The following ADGRE3 variants were observed in gnomAD, a reference collection of about 807,000 sequenced individuals.
ADGRE3 encodes the protein adhesion G protein-coupled receptor E3.
ADGRE3 carries 88 observed loss-of-function variants against 80.1 expected under a neutral mutation model. The ratio of observed to expected loss-of-function variants is 1.10; its 90% CI spans 0.93 to 1.31. ADGRE3 has a LOEUF of 1.31. Ranked by LOEUF, ADGRE3 falls within the 40% of genes most tolerant of loss-of-function variation. The probability of loss-of-function intolerance (pLI) is 0.00; values close to 1 mark genes in which losing one functional copy is unlikely to be tolerated. For missense variants in ADGRE3, 715 were observed against 776.5 expected (o/e 0.92, Z 0.94); for synonymous variants, 281 against 294.8 (o/e 0.95, Z 0.48).
At chr19:14,674,470 C>G (rs1406738303) in intron 1 of ADGRE3, among the ~76,000 whole-genome samples, 1 of 152,080 alleles carries the variant, frequency 6.6e-6, no homozygotes. Context: ...GCACTCCAAC[C>G]TGGGTGACAG....
At chr19:14,674,124 G>T (rs1972326195) in intron 1 of ADGRE3, among the ~76,000 whole-genome samples, 1 of 152,162 alleles carries the variant, frequency 6.6e-6, no homozygotes, top group Non-Finnish European at 1.5e-5. Context: ...AAAAAAGTCA[G>T]GGCAGGGCTA....
chr19:14,646,195 T>C (rs1971393591), intron 8 of ADGRE3, among the ~76,000 whole-genome samples: 1 of 152,192 alleles, frequency 6.6e-6, no homozygotes, highest in African/African-American at 2.4e-5. Flanking sequence ...CGATCTTGGC[T>C]CACCGCAACC....
Position 14,647,252 on chromosome 19 carries a change from T to G in ADGRE3, c.811A>C (p.Ser271Arg). The part of the protein sequence containing the change: ...DQVYLNSQVV[S>R]AAIGPKRNVS... ...TTCCTTTTGGGTCCAATAGCAGCAC[T>G]CACAACCTGAGAGTTCAGATACACT... Residue 271 changes from serine (S) to arginine (R), a missense_variant, in exon 8 of 16, where the codon AGT becomes CGT. Coordinates refer to ENST00000253673, the MANE Select transcript of ADGRE3 (RefSeq NM_032571.5). 6.2e-7 allele frequency: 1 copy of G among 1,613,982 alleles called. No individual in the cohort carries two copies. The highest frequency in any genetic ancestry group is 8.5e-7 in the Non-Finnish European group (1 of 1,179,896).
Position 14,658,489 on chromosome 19 carries a change from G to T in ADGRE3, c.393+24C>A, listed in dbSNP as rs867979394. On this transcript the variant is annotated intron_variant, in intron 5 of 15. Transcript: ENST00000253673. ...TACTGATGTTTGTTACCTGGGAAGG[G>T]TCTGGGGATCAGCCTCCACTCACCT... 1.7e-5 allele frequency: 26 copies of T among 1,542,668 alleles called. No individual in the cohort carries two copies. The Middle Eastern group carries it at 3.6e-3, about 215-fold the overall frequency.
chr19:14,643,479 T>C (rs1363550101), intron 9 of ADGRE3, among the ~76,000 whole-genome samples: 1 of 151,992 alleles, frequency 6.6e-6, no homozygotes, highest in Non-Finnish European at 1.5e-5. Flanking sequence ...TCCTATAGTC[T>C]GAGCAACTGA....
At position 14,670,766 on chromosome 19, in the gene ADGRE3, A is replaced by G. The variant is rs113224444; in HGVS notation, c.26-1914T>C. Among the ~76,000 whole-genome samples the G allele has an allele frequency of 7.6e-3, 1,163 of 152,316 alleles. 14 individuals carry two copies. Among genetic ancestry groups the G allele is most frequent in the African/African-American group, 0.027 (1,126 of 41,576 alleles). ...AGATTAAGAAATGGAGGCACAGAGA[A>G]GGTAAGTAACTTGCTCCATTCACTG... On this transcript the variant is annotated intron_variant, in intron 1 of 15. Transcript: ENST00000253673.
chr19:14,647,997 G>A (rs773322874), intron 7 of ADGRE3, among the ~76,000 whole-genome samples: 2 of 146,482 alleles, frequency 1.4e-5, no homozygotes, highest in African/African-American at 2.5e-5. Flanking sequence ...CTGGAGAATC[G>A]CTTGAACCCA....
At chr19:14,674,433 G>T (rs1280368533) in intron 1 of ADGRE3, among the ~76,000 whole-genome samples, 2 of 152,104 alleles carry the variant, frequency 1.3e-5, no homozygotes, top group Non-Finnish European at 2.9e-5. Flanking sequence ...GGAGGCAGAG[G>T]TTTCAGTGAG....
At chr19:14,654,239 C>T (rs1971686139) in intron 6 of ADGRE3, among the ~76,000 whole-genome samples, 1 of 150,672 alleles carries the variant, frequency 6.6e-6, no homozygotes, top group African/African-American at 2.4e-5. Flanking sequence ...AGGTGTAAGC[C>T]ACCATGCCCA....
chr19:14,639,873 A>C (rs925052835), intron 10 of ADGRE3, among the ~76,000 whole-genome samples: 1 of 152,192 alleles, frequency 6.6e-6, no homozygotes, highest in South Asian at 2.1e-4. Context: ...GCAATTTTTC[A>C]ATATAGAATA....
intron 11 of ADGRE3, among the ~76,000 whole-genome samples, chr19:14,637,374 G>A (rs1971119053): frequency 1.4e-5 from 2 of 148,016 alleles, no homozygotes; most frequent in African/African-American, 5.0e-5. Flanking sequence ...CTCGCTTGGC[G>A]CCCTGAGATT....
At chr19:14,673,944 C>A (rs1049733734) in intron 1 of ADGRE3, among the ~76,000 whole-genome samples, 2 of 152,144 alleles carry the variant, frequency 1.3e-5, no homozygotes, top group Non-Finnish European at 2.9e-5. Context: ...CATGTGTCCA[C>A]ATTATTTAGC....
chr19:14,650,843 G>A (rs1036560641), intron 7 of ADGRE3, among the ~76,000 whole-genome samples: 9 of 152,156 alleles, frequency 5.9e-5, no homozygotes, highest in African/African-American at 1.4e-4. Context: ...AACCCAAACC[G>A]GGACACAGGC....
At chr19:14,651,035 C>T in intron 7 of ADGRE3, 50 bp downstream of exon 7, 1 of 1,607,478 alleles carries the variant, frequency 6.2e-7, no homozygotes. Flanking sequence ...ATGACTCACA[C>T]AATGACATGG....
At chr19:14,609,138 C>T in the ADGRE3 span, among the ~76,000 whole-genome samples, 9 of 152,184 alleles carry the variant, frequency 5.9e-5, no homozygotes, top group Admixed American at 2.0e-4. Context: ...ATGCTTTTTC[C>T]GCAAAGCTAT....
At position 14,625,474 on chromosome 19, in the gene ADGRE3, T is replaced by C. The variant is rs780371799; in HGVS notation, c.1920+18A>G. 1 of 1,451,006 alleles carries C rather than the reference T, an allele frequency of 6.9e-7. No homozygotes were observed. The highest frequency in any genetic ancestry group is 9.7e-7 in the Non-Finnish European group (1 of 1,034,864). The allele number at this position is 1,451,006 out of a possible 1,614,324, so 89.9% of individuals were successfully genotyped here. A position where few individuals can be genotyped will look rare whatever the true frequency, so the allele number is the denominator to read the frequency against. The stretch of plus-strand genomic sequence containing the variant: ...AGGAGTATGTAAAACATTAGAACAA[T>C]TCAGATGTTTCACTTACCTCACTGG... On this transcript the variant is annotated intron_variant, in intron 15 of 15. Coordinates refer to ENST00000253673, the MANE Select transcript of ADGRE3 (RefSeq NM_032571.5).
At chr19:14,655,779 C>A (rs983655129) in intron 5 of ADGRE3, among the ~76,000 whole-genome samples, 2 of 151,802 alleles carry the variant, frequency 1.3e-5, no homozygotes, top group East Asian at 3.9e-4. Context: ...TTATTATTAA[C>A]GTTTTTTGCC....
chr19:14,651,322 G>C, intron 6 of ADGRE3, 118 bp from the exon 7 acceptor site: 1 of 1,137,098 alleles, frequency 8.8e-7, no homozygotes, highest in Non-Finnish European at 1.3e-6. Context: ...GGCTGAGGCA[G>C]AAGGATTGCT....
intron 15 of ADGRE3, among the ~76,000 whole-genome samples, chr19:14,624,521 T>G (rs1255551180): frequency 6.6e-6 from 1 of 151,814 alleles, no homozygotes; most frequent in African/African-American, 2.4e-5. Flanking sequence ...TTTGGGAGGC[T>G]GAGGTGGTAG....
Sources: allele counts gnomAD v4.1 joint callset (sites outside exome capture counted in the v4.1 genomes callset), GRCh38; gene constraint gnomAD v4.1.1; transcripts MANE v1.5; gene names NCBI Gene and HGNC (gene_info 2026-07-23, HGNC 2026-07-21).